Variants in NCKAP5 observed in about 807,000 individuals in gnomAD.
The protein encoded by NCKAP5 is nck-associated protein 5.
Under a neutral mutation model 167.0 loss-of-function variants are expected in NCKAP5, and 92 were observed. The observed-to-expected ratio is 0.55, with a 90% CI of 0.47 to 0.66. The LOEUF is 0.66. Among genes scored for constraint, NCKAP5 ranks in the 30% least tolerant of loss-of-function variants. The probability of loss-of-function intolerance (pLI) is 0.00; values close to 1 mark genes in which losing one functional copy is unlikely to be tolerated. For synonymous variants in NCKAP5, 891 were observed against 877.4 expected (o/e 1.02, Z -0.27); for missense variants, 2,378 against 2,315.0 (o/e 1.03, Z -0.56).
At chr2:132,971,046 C>A (rs1004940305) in intron 7 of NCKAP5, among the ~76,000 whole-genome samples, 1 of 152,214 alleles carries the variant, frequency 6.6e-6, no homozygotes, top group Non-Finnish European at 1.5e-5. Flanking sequence ...GCAGTTCCTA[C>A]ATGCTAGGCG....
Position 132,783,547 on chromosome 2 carries a change from T to G in NCKAP5, c.3264A>C (p.Arg1088Ser), listed in dbSNP as rs1294114420. ...MTSSKSVSPGRKGQLNDSAST... is the reference protein window; with the variant it reads ...MTSSKSVSPGSKGQLNDSAST... ...AGGCGCTATCATTCAATTGTCCTTT[T>G]CTCCCTGGAGATACACTTTTGGAGG... is the stretch of plus-strand genomic sequence containing the variant. Residue 1088 changes from arginine to serine, a missense_variant, in exon 14 of 20, where the codon AGA (arginine) becomes AGC (serine). Arg to Ser is a moderately radical substitution (Grantham distance 110, BLOSUM62 -1). Coordinates refer to ENST00000409261, the MANE Select transcript of NCKAP5 (RefSeq NM_207363.3). The G allele has an allele frequency of 3.1e-6, 5 of 1,613,876 alleles. No homozygotes were observed. The highest frequency in any genetic ancestry group is 4.2e-6 in the Non-Finnish European group (5 of 1,179,878).
chr2:133,507,759 T>C (rs570697917), intron 3 of NCKAP5, among the ~76,000 whole-genome samples: 1 of 152,164 alleles, frequency 6.6e-6, no homozygotes, highest in Admixed American at 6.5e-5. Context: ...GAGGGCTGCA[T>C]GAAAACTGGC....
Position 132,714,686 on chromosome 2 carries a change from G to A in NCKAP5, c.5713+10941C>T, listed in dbSNP as rs186528448. Among the ~76,000 whole-genome samples, 639 of 152,060 alleles carry A rather than the reference G, an allele frequency of 4.2e-3. 7 individuals carry two copies. The highest frequency in any genetic ancestry group is 0.014 in the African/African-American group (587 of 41,496). Reference sequence around the variant, plus strand: ...TACAAAATTAGCCGGGCATGGTGGCGCATGCCTCTAATCCCAGCTGGGAGG... The same window carrying A: ...TACAAAATTAGCCGGGCATGGTGGCACATGCCTCTAATCCCAGCTGGGAGG... On this transcript the variant is annotated intron_variant, in intron 19 of 19. Transcript: ENST00000409261.
At chr2:132,723,318 C>T (rs1573994932) in intron 19 of NCKAP5, among the ~76,000 whole-genome samples, 1 of 151,808 alleles carries the variant, frequency 6.6e-6, no homozygotes, top group African/African-American at 2.4e-5. Context: ...CGCCTGTCAC[C>T]ACGCCAGGCT....
At chr2:132,890,641 A>G (rs1435647054) in intron 8 of NCKAP5, among the ~76,000 whole-genome samples, 1 of 152,200 alleles carries the variant, frequency 6.6e-6, no homozygotes, top group Non-Finnish European at 1.5e-5. Flanking sequence ...AAGGAACACC[A>G]AGAACTGGAG....
rs764246319 is a variant in NCKAP5, at chr2:133,242,249, C to CTTTTTT, written c.144-28471_144-28470insAAAAAA. ...TTGGTAAATACTCTGTTTTTCTTTTCTTTTCTTTTCTTTTTTTTTTAACTG... is the reference window on the plus strand; with the variant it reads ...TTGGTAAATACTCTGTTTTTCTTTTCTTTTTTTTTTCTTTTCTTTTTTTTTTAACTG... On this transcript the variant is annotated intron_variant, in intron 4 of 19. Coordinates refer to ENST00000409261, the MANE Select transcript of NCKAP5 (RefSeq NM_207363.3). 1.4e-4 allele frequency among the ~76,000 whole-genome samples: 19 copies of CTTTTTT among 140,248 alleles called. 1 individual carries two copies. The highest frequency in any genetic ancestry group is 1.6e-4 in the Non-Finnish European group (11 of 67,122). 92.0% of individuals were successfully genotyped at this position (140,248 alleles called of 152,430 possible).
intron 19 of NCKAP5, among the ~76,000 whole-genome samples, chr2:132,702,371 C>T (rs1573927079): frequency 6.6e-6 from 1 of 151,928 alleles, no homozygotes; most frequent in Non-Finnish European, 1.5e-5. Flanking sequence ...TCCTCAGGGA[C>T]CAGGGAAGAT....
At chr2:132,765,186 A>G (rs1681346010) in intron 16 of NCKAP5, among the ~76,000 whole-genome samples, 1 of 152,252 alleles carries the variant, frequency 6.6e-6, no homozygotes, top group Non-Finnish European at 1.5e-5. Flanking sequence ...CTCAAGGTTA[A>G]CTGCACATAG....
At position 133,326,553 on chromosome 2, in the gene NCKAP5, C is replaced by T. The variant is rs532035928; in HGVS notation, c.70-23443G>A. Among the ~76,000 whole-genome samples the T allele has an allele frequency of 4.5e-4, 68 of 151,550 alleles. 1 individual carries two copies. Among genetic ancestry groups the T allele is most frequent in the African/African-American group, 1.6e-3 (66 of 41,268 alleles). On this transcript the variant is annotated intron_variant, in intron 3 of 19. Transcript: ENST00000409261. ...GACAGCCACAGCAAGAGTCCTGTAACAGCAGAGAACAGTCCTCCATTCCCT... is the reference window on the plus strand; with the variant it reads ...GACAGCCACAGCAAGAGTCCTGTAATAGCAGAGAACAGTCCTCCATTCCCT...
At chr2:133,252,376 C>T (rs2088388630) in intron 4 of NCKAP5, among the ~76,000 whole-genome samples, 1 of 152,196 alleles carries the variant, frequency 6.6e-6, no homozygotes, top group South Asian at 2.1e-4. Flanking sequence ...AAAGAGATGA[C>T]TTGAACTTCC....
At chr2:132,716,745 C>T (rs1285599427) in intron 19 of NCKAP5, among the ~76,000 whole-genome samples, 6 of 152,260 alleles carry the variant, frequency 3.9e-5, no homozygotes, top group Non-Finnish European at 5.9e-5. Flanking sequence ...GGCCTTGCTA[C>T]GGCACACTGC....
At chr2:132,718,530 C>T (rs910118306) in intron 19 of NCKAP5, among the ~76,000 whole-genome samples, 6 of 152,202 alleles carry the variant, frequency 3.9e-5, no homozygotes, top group African/African-American at 1.4e-4. Flanking sequence ...GATATGCCTG[C>T]AACAGCCTCC....
At chr2:133,520,791 G>A (rs1380862448) in intron 2 of NCKAP5, among the ~76,000 whole-genome samples, 1 of 152,136 alleles carries the variant, frequency 6.6e-6, no homozygotes, top group Non-Finnish European at 1.5e-5. Flanking sequence ...CAATAATATA[G>A]GCAGATATAA....
chr2:133,506,657 C>T (rs1207472414), intron 3 of NCKAP5, among the ~76,000 whole-genome samples: 1 of 152,192 alleles, frequency 6.6e-6, no homozygotes, highest in Non-Finnish European at 1.5e-5. Flanking sequence ...GTTCTATAGC[C>T]ACTTTCTAGG....
intron 4 of NCKAP5, among the ~76,000 whole-genome samples, chr2:133,299,220 A>C (rs1466340970): frequency 6.6e-6 from 1 of 152,156 alleles, no homozygotes. Flanking sequence ...GAATATAACA[A>C]ATTAAAACAT....
chr2:132,738,359 C>T (rs772693250), intron 16 of NCKAP5, among the ~76,000 whole-genome samples: 10 of 152,154 alleles, frequency 6.6e-5, no homozygotes, highest in Non-Finnish European at 1.3e-4. Context: ...CCTGAAGGTC[C>T]CAGGTCTAGG....
intron 16 of NCKAP5, among the ~76,000 whole-genome samples, chr2:132,744,756 T>C (rs1438844660): frequency 1.3e-5 from 2 of 151,368 alleles, no homozygotes; most frequent in Non-Finnish European, 3.0e-5. Context: ...AAGACAAAAA[T>C]TCTCAATATT....
At position 133,300,005 on chromosome 2, in the gene NCKAP5, C is replaced by T. The variant is rs564740122; in HGVS notation, c.143+3032G>A. 1.5e-4 allele frequency among the ~76,000 whole-genome samples: 22 copies of T among 147,044 alleles called. No homozygotes were observed. In the South Asian group the frequency reaches 1.6e-3, roughly 10 times the overall value. ...TCAGAGAATACTACAAACACCTCTA[C>T]GCAAATAAACTAGAAAATCTAGAAG... is the stretch of plus-strand genomic sequence containing the variant. On this transcript the variant is annotated intron_variant, in intron 4 of 19. Coordinates refer to ENST00000409261, the MANE Select transcript of NCKAP5 (RefSeq NM_207363.3).
intron 2 of NCKAP5, among the ~76,000 whole-genome samples, chr2:133,546,228 C>G (rs772619725): frequency 1.3e-5 from 2 of 151,998 alleles, no homozygotes. Context: ...AAAAAGTGCC[C>G]CCACTGAGGA....
Sources: allele counts gnomAD v4.1 joint callset (sites outside exome capture counted in the v4.1 genomes callset), GRCh38; gene constraint gnomAD v4.1.1; transcripts MANE v1.5; gene names NCBI Gene and HGNC (gene_info 2026-07-23, HGNC 2026-07-21).